FOXP1: variants seen among roughly 807,000 people sequenced by gnomAD.
FOXP1 encodes the protein forkhead box protein P1.
FOXP1 carries 15 observed loss-of-function variants against 98.2 expected under a neutral mutation model. That is an observed-to-expected ratio of 0.15 (90% CI 0.10 to 0.24). The LOEUF (loss-of-function observed/expected upper bound fraction) is 0.24, where lower values mean the gene tolerates loss of function less well. Among genes scored for constraint, FOXP1 ranks in the 10% least tolerant of loss-of-function variants. The pLI, the probability that FOXP1 is intolerant of heterozygous loss-of-function variation, is 1.00. For synonymous variants in FOXP1, 371 were observed against 314.5 expected, an observed-to-expected ratio of 1.18 and a Z score of -1.90; for missense variants, 633 against 848.5, an observed-to-expected ratio of 0.75 and a Z score of 3.15.
chr3:71,102,896 G>T (rs1028805552), intron 7 of FOXP1, among the ~76,000 whole-genome samples: 1 of 152,058 alleles, frequency 6.6e-6, no homozygotes, highest in Non-Finnish European at 1.5e-5. Context: ...GTATGGCCTT[G>T]GACAAGTTAA....
intron 7 of FOXP1, among the ~76,000 whole-genome samples, chr3:71,096,665 C>T (rs577139207): frequency 6.6e-6 from 1 of 152,178 alleles, no homozygotes; most frequent in African/African-American, 2.4e-5. Context: ...ATTTTAGATA[C>T]TGTAGATCTA....
chr3:71,078,588 T>C (rs750784087), intron 7 of FOXP1, among the ~76,000 whole-genome samples: 6 of 152,114 alleles, frequency 3.9e-5, no homozygotes, highest in Non-Finnish European at 8.8e-5. Flanking sequence ...TTCATTTCTC[T>C]TGCTAAATTT....
At chr3:70,990,083 C>T (rs1408050433) in intron 13 of FOXP1, among the ~76,000 whole-genome samples, 3 of 152,202 alleles carry the variant, frequency 2.0e-5, no homozygotes, top group African/African-American at 4.8e-5. Context: ...AATTCATCGT[C>T]AATTCTGAGA....
chr3:71,421,675 C>T (rs150391380), intron 3 of FOXP1, among the ~76,000 whole-genome samples: 239 of 152,120 alleles, frequency 1.6e-3, no homozygotes, highest in African/African-American at 5.4e-3. Flanking sequence ...ACAGAGGGGC[C>T]GCTGGTCTCA....
At chr3:71,059,028 T>C (rs1019751062) in intron 7 of FOXP1, among the ~76,000 whole-genome samples, 3 of 152,214 alleles carry the variant, frequency 2.0e-5, no homozygotes, top group African/African-American at 4.8e-5. Flanking sequence ...GTAATGGTTA[T>C]TATATTAATG....
intron 6 of FOXP1, among the ~76,000 whole-genome samples, chr3:71,149,051 A>G (rs1326364646): frequency 6.6e-6 from 1 of 152,236 alleles, no homozygotes; most frequent in Non-Finnish European, 1.5e-5. Flanking sequence ...CAGTTAGTCA[A>G]TAATAGTTCT....
chr3:70,968,756 AT>A (rs1305186704), intron 19 of FOXP1: 1 of 152,174 alleles, frequency 6.6e-6, no homozygotes, highest in African/African-American at 2.4e-5. Context: ...TTGTTCCACT[AT>A]TATTTTTACT....
At chr3:71,418,116 G>GT (rs2083354178) in intron 3 of FOXP1, among the ~76,000 whole-genome samples, 2 of 147,476 alleles carry the variant, frequency 1.4e-5, no homozygotes, top group East Asian at 4.0e-4. Context: ...TGTGCTTGTG[G>GT]GTGTGTGTGT....
intron 13 of FOXP1, among the ~76,000 whole-genome samples, chr3:70,989,309 T>C (rs1354507182): frequency 6.6e-6 from 1 of 151,912 alleles, no homozygotes. Flanking sequence ...TGATTTTTTT[T>C]TTCTTTTTAT....
In FOXP1 at chr3:71,516,671, C is replaced by A. The variant is rs549495767; in HGVS notation, c.-297-23116G>T. ...GACCCACCTGGCCAACATGGTGAAA[C>A]CCCATCTCTACTAAAAATACAAAAA... On this transcript the variant is annotated intron_variant, in intron 2 of 20. Transcript: ENST00000649528. 2.6e-5 allele frequency among the ~76,000 whole-genome samples: 4 copies of A among 152,186 alleles called. No individual in the cohort carries two copies. The South Asian group carries it at 8.3e-4, about 32-fold the overall frequency.
chr3:71,425,688 G>A (rs1323781068), intron 3 of FOXP1, among the ~76,000 whole-genome samples: 1 of 151,762 alleles, frequency 6.6e-6, no homozygotes, highest in African/African-American at 2.4e-5. Flanking sequence ...TATTTTAAAG[G>A]TGGGGGGGCT....
intron 6 of FOXP1, among the ~76,000 whole-genome samples, chr3:71,185,752 G>C (rs1030004314): frequency 1.3e-5 from 2 of 152,096 alleles, no homozygotes; most frequent in East Asian, 3.9e-4. Flanking sequence ...CACAGCTTTG[G>C]GGCCTTTAAA....
rs142040451 is a variant in FOXP1, at chr3:71,473,403, A to G, written c.-168+20023T>C. ...AAAAATGAAGGAACTGAGAGGAAGA[A>G]ACAAAAATTTCCAACATTAGATCTT... On this transcript the variant is annotated intron_variant, in intron 3 of 20. Transcript: ENST00000649528. Among the ~76,000 whole-genome samples the G allele has an allele frequency of 6.5e-3, 986 of 152,248 alleles. 13 individuals carry two copies. Among genetic ancestry groups the G allele is most frequent in the African/African-American group, 0.022 (932 of 41,554 alleles).
At chr3:71,513,862 C>T (rs2042374669) in intron 2 of FOXP1, among the ~76,000 whole-genome samples, 1 of 152,230 alleles carries the variant, frequency 6.6e-6, no homozygotes, top group African/African-American at 2.4e-5. Flanking sequence ...ACTCTTAAGG[C>T]TAGCTCTACC....
At chr3:70,996,315 C>T (rs1282502050) in intron 13 of FOXP1, among the ~76,000 whole-genome samples, 3 of 152,168 alleles carry the variant, frequency 2.0e-5, no homozygotes, top group Non-Finnish European at 4.4e-5. Flanking sequence ...TACACAGGGA[C>T]AGGACAGCTG....
intron 11 of FOXP1, among the ~76,000 whole-genome samples, chr3:71,031,820 C>A (rs968187282): frequency 2.6e-5 from 4 of 152,154 alleles, no homozygotes; most frequent in Non-Finnish European, 5.9e-5. Context: ...AATCCTAGTA[C>A]AAGTATGGAG....
chr3:71,271,760 TAGAA>T (rs931295542), intron 5 of FOXP1, among the ~76,000 whole-genome samples: 1 of 152,072 alleles, frequency 6.6e-6, no homozygotes, highest in African/African-American at 2.4e-5. Flanking sequence ...TACCAAAAAA[TAGAA>T]AGGAGACAAA....
chr3:71,114,354 T>C (rs1330533862), intron 6 of FOXP1, among the ~76,000 whole-genome samples: 1 of 152,148 alleles, frequency 6.6e-6, no homozygotes, highest in Non-Finnish European at 1.5e-5. Flanking sequence ...GTCTAGAGGA[T>C]TAATGTTCAT....
chr3:71,015,563 G>A lies in FOXP1; in HGVS notation c.960C>T (p.Phe320=). 6.2e-7 allele frequency: 1 copy of A among 1,609,784 alleles called. No homozygotes were observed. The highest frequency in any genetic ancestry group is 8.5e-7 in the Non-Finnish European group (1 of 1,176,268). The change falls in exon 12 of 21, where the codon TTC becomes TTT. Residue 320 remains phenylalanine (F), a synonymous_variant. Coordinates refer to ENST00000649528, the MANE Select transcript of FOXP1 (RefSeq NM_001349338.3). The part of the protein sequence containing the change: ...WPGCEAVCED[F]QSFLKHLNSE... ...ATCATTCTTACTTTAGAAATGATTG[G>A]AAATCTTCGCACACTGCTTCACAGC... is the stretch of plus-strand genomic sequence containing the variant.
Sources: allele counts gnomAD v4.1 joint callset (sites outside exome capture counted in the v4.1 genomes callset), GRCh38; gene constraint gnomAD v4.1.1; transcripts MANE v1.5; gene names NCBI Gene and HGNC (gene_info 2026-07-23, HGNC 2026-07-21).